Variants in GAN observed in about 807,000 individuals in gnomAD.
GAN encodes gigaxonin, also known as epididymis secretory sperm binding protein.
Under a neutral mutation model 71.3 loss-of-function variants are expected in GAN, and 48 were observed. That is an observed-to-expected ratio of 0.67 (90% CI 0.53 to 0.86). GAN has a LOEUF of 0.86. GAN is among the 40% of genes least tolerant of loss of function. The pLI, the probability that GAN is intolerant of heterozygous loss-of-function variation, is 0.00. For missense variants in GAN, 928 were observed against 770.1 expected (o/e 1.21, Z -2.43); for synonymous variants, 386 against 276.8 (o/e 1.39, Z -3.92).
intron 9 of GAN, 102 bp from the exon 10 acceptor site, chr16:81,377,117 C>G (rs760040734): frequency 8.7e-6 from 7 of 805,228 alleles, no homozygotes; most frequent in African/African-American, 1.7e-5. Context: ...GGCACAGTGC[C>G]TGATACTGCT....
chr16:81,346,658 C>G (rs909652228), intron 1 of GAN, among the ~76,000 whole-genome samples: 13 of 152,198 alleles, frequency 8.5e-5, no homozygotes, highest in Non-Finnish European at 1.8e-4. Context: ...TCCACGAAAC[C>G]AGTCCCTGGT....
intron 1 of GAN, among the ~76,000 whole-genome samples, chr16:81,335,483 A>T (rs1909724302): frequency 6.6e-6 from 1 of 152,058 alleles, no homozygotes; most frequent in Non-Finnish European, 1.5e-5. Flanking sequence ...ATGGTGGCTC[A>T]TGCCTGTAAT....
At chr16:81,322,197 T>G (rs1428917775) in intron 1 of GAN, among the ~76,000 whole-genome samples, 1 of 152,242 alleles carries the variant, frequency 6.6e-6, no homozygotes. Context: ...TACGTAGTAC[T>G]TTGCCATTTG....
chr16:81,362,184 G>A (rs570942776), intron 5 of GAN, among the ~76,000 whole-genome samples: 5 of 152,290 alleles, frequency 3.3e-5, no homozygotes, highest in Admixed American at 3.3e-4. Context: ...AATCCCAGAG[G>A]CTGAGAGGGA....
chr16:81,315,012 G>GC lies in GAN; in HGVS notation c.-102_-101insC. The GC allele has an allele frequency of 9.9e-7, 1 of 1,014,260 alleles. No individual in the cohort carries two copies. Among genetic ancestry groups the GC allele is most frequent in the South Asian group, 2.3e-5 (1 of 43,520 alleles). The allele number at this position is 1,014,260 out of a possible 1,614,324, so 62.8% of individuals were successfully genotyped here. A position where few individuals can be genotyped will look rare whatever the true frequency, so the allele number is the denominator to read the frequency against. On this transcript the variant is annotated 5_prime_UTR_variant, in exon 1 of 11. Transcript: ENST00000648994. ...CTCCAGCTTCTGCTCAGAGCGCGGA[G>GC]AGCCGGGCCGGGCGGGCGCGCGCGC... is the stretch of plus-strand genomic sequence containing the variant.
chr16:81,336,889 C>T (rs1223383495), intron 1 of GAN, among the ~76,000 whole-genome samples: 1 of 152,084 alleles, frequency 6.6e-6, no homozygotes, highest in Non-Finnish European at 1.5e-5. Flanking sequence ...ATCAGTATAC[C>T]ACACGAGGGT....
chr16:81,356,969 A>G lies in GAN; in HGVS notation c.818A>G (p.Glu273Gly). 1 of 1,612,126 alleles carries G rather than the reference A, an allele frequency of 6.2e-7. No homozygotes were observed. Among genetic ancestry groups the G allele is most frequent in the Non-Finnish European group, 8.5e-7 (1 of 1,178,650 alleles). The change falls in exon 4 of 11, where the codon GAG becomes GGG. Residue 273 changes from glutamate to glycine, a missense_variant. Physicochemically the swap from Glu to Gly is moderately conservative, Grantham distance 98 (BLOSUM62 -2). Transcript: ENST00000648994. ...AACTTCAAACCCCGGGGCTACTCTGAGTGCATCGTGACTGTTGGTGGAGAA... is the reference window on the plus strand; with the variant it reads ...AACTTCAAACCCCGGGGCTACTCTGGGTGCATCGTGACTGTTGGTGGAGAA... ...LANFKPRGYS[E>G]CIVTVGGEER...
At chr16:81,324,880 G>A (rs957202919) in intron 1 of GAN, among the ~76,000 whole-genome samples, 12 of 152,238 alleles carry the variant, frequency 7.9e-5, no homozygotes, top group African/African-American at 1.7e-4. Flanking sequence ...ACCAGCGGCC[G>A]TTTCAGCAGG....
chr16:81,374,328 G>A (rs1013313111), intron 9 of GAN, among the ~76,000 whole-genome samples: 3 of 152,126 alleles, frequency 2.0e-5, no homozygotes, highest in Non-Finnish European at 4.4e-5. Context: ...TTTTCTTGTT[G>A]TAATTATTAA....
chr16:81,317,558 A>G lies in GAN; in HGVS notation c.167+2278A>G, dbSNP rs1909084364. On this transcript the variant is annotated intron_variant, in intron 1 of 10. Coordinates refer to ENST00000648994, the MANE Select transcript of GAN (RefSeq NM_022041.4). ...GGTAGTACCCATTGAATTAGGAAAT[A>G]TCTGTAGTCCGGTTCTTTCACTTTC... is the stretch of plus-strand genomic sequence containing the variant. Among the ~76,000 whole-genome samples the G allele has an allele frequency of 2.0e-5, 3 of 152,254 alleles. No homozygotes were observed. In the South Asian group the frequency reaches 6.2e-4, roughly 31 times the overall value.
At chr16:81,362,046 A>G (rs1050370921) in intron 5 of GAN, among the ~76,000 whole-genome samples, 6 of 152,188 alleles carry the variant, frequency 3.9e-5, no homozygotes, top group South Asian at 2.1e-4. Flanking sequence ...ACGCCATTAC[A>G]TGAAATCGGA....
Position 81,315,292 on chromosome 16 carries a change from GC to G in GAN, c.167+13del, listed in dbSNP as rs758609689. 1.1e-5 allele frequency: 16 copies of G among 1,520,054 alleles called. No individual in the cohort carries two copies. The highest frequency in any genetic ancestry group is 8.8e-7 in the Non-Finnish European group (1 of 1,133,364). The allele number at this position is 1,520,054 out of a possible 1,614,324, so 94.2% of individuals were successfully genotyped here. ...AGCCCGTACATCAGGTGGGGAGGGGGCTACGGCGGGCGGGCGCGGCGGTGCT... is the reference window on the plus strand; with the variant it reads ...AGCCCGTACATCAGGTGGGGAGGGGGTACGGCGGGCGGGCGCGGCGGTGCT... On this transcript the variant is annotated intron_variant, in intron 1 of 10. Coordinates refer to ENST00000648994, the MANE Select transcript of GAN (RefSeq NM_022041.4).
At chr16:81,320,696 C>G (rs994397408) in intron 1 of GAN, among the ~76,000 whole-genome samples, 2 of 152,182 alleles carry the variant, frequency 1.3e-5, no homozygotes, top group African/African-American at 4.8e-5. Flanking sequence ...TTCTGAGTAT[C>G]TTTTGAAATC....
At chr16:81,339,595 T>C (rs1350545733) in intron 1 of GAN, among the ~76,000 whole-genome samples, 1 of 152,210 alleles carries the variant, frequency 6.6e-6, no homozygotes, top group Non-Finnish European at 1.5e-5. Flanking sequence ...AATAGAGAAA[T>C]ACCATAATGT....
intron 1 of GAN, among the ~76,000 whole-genome samples, chr16:81,320,023 G>T (rs537323854): frequency 6.6e-6 from 1 of 152,224 alleles, no homozygotes; most frequent in East Asian, 1.9e-4. Flanking sequence ...TGTCATACAG[G>T]ACTTTATTGG....
chr16:81,343,069 C>G (rs1909998649), intron 1 of GAN, among the ~76,000 whole-genome samples: 2 of 152,142 alleles, frequency 1.3e-5, no homozygotes, highest in South Asian at 4.1e-4. Context: ...CCTCCCAAAA[C>G]TAAACCAGGA....
chr16:81,327,079 T>C (rs946886587), intron 1 of GAN, among the ~76,000 whole-genome samples: 12 of 152,182 alleles, frequency 7.9e-5, no homozygotes, highest in African/African-American at 2.7e-4. Flanking sequence ...TTGGACTGTT[T>C]TAGATGGCAT....
chr16:81,350,794 C>T (rs894900102), intron 1 of GAN, among the ~76,000 whole-genome samples: 3 of 152,172 alleles, frequency 2.0e-5, no homozygotes, highest in African/African-American at 4.8e-5. Context: ...GTTGGGATTA[C>T]AGGCGTGAGC....
intron 1 of GAN, among the ~76,000 whole-genome samples, chr16:81,342,807 C>T (rs1909989357): frequency 1.3e-5 from 2 of 151,312 alleles, no homozygotes; most frequent in Admixed American, 1.3e-4. Flanking sequence ...GAGATGGAGA[C>T]ACAACCCTTC....
Sources: allele counts gnomAD v4.1 joint callset (sites outside exome capture counted in the v4.1 genomes callset), GRCh38; gene constraint gnomAD v4.1.1; transcripts MANE v1.5; gene names NCBI Gene and HGNC (gene_info 2026-07-23, HGNC 2026-07-21).